Variants in CEP112 observed in about 807,000 individuals in gnomAD.
The protein encoded by CEP112 is centrosomal protein 112.
In CEP112, 127 loss-of-function variants were observed where a neutral mutation model predicts 153.0. The ratio of observed to expected loss-of-function variants is 0.83; its 90% CI spans 0.72 to 0.96. The LOEUF (loss-of-function observed/expected upper bound fraction) is 0.96, where lower values mean the gene tolerates loss of function less well. CEP112 is among the 40% of genes least tolerant of loss of function. The pLI, the probability that CEP112 is intolerant of heterozygous loss-of-function variation, is 0.00. For missense variants in CEP112, 1,089 were observed against 1,101.2 expected (o/e 0.99, Z 0.16); for synonymous variants, 358 against 374.4 (o/e 0.96, Z 0.51).
intron 17 of CEP112, among the ~76,000 whole-genome samples, chr17:65,976,091 G>A (rs909255784): frequency 1.1e-4 from 16 of 152,300 alleles, no homozygotes; most frequent in Admixed American, 2.6e-4. Flanking sequence ...CCATGGACTC[G>A]GACAAGCAAG....
intron 4 of CEP112, among the ~76,000 whole-genome samples, chr17:66,139,018 T>C (rs1302359145): frequency 6.6e-6 from 1 of 151,738 alleles, no homozygotes; most frequent in Non-Finnish European, 1.5e-5. Flanking sequence ...TAAAAGCTTA[T>C]ATTAAAAAAG....
At chr17:66,130,692 T>C (rs868479649) in intron 5 of CEP112, among the ~76,000 whole-genome samples, 113 of 148,268 alleles carry the variant, frequency 7.6e-4, no homozygotes, top group African/African-American at 2.2e-3. Context: ...AGGAGAATGG[T>C]GTGAACCCGG....
chr17:66,164,335 A>G (rs1025418121), intron 4 of CEP112, among the ~76,000 whole-genome samples: 3 of 152,018 alleles, frequency 2.0e-5, no homozygotes, highest in Non-Finnish European at 1.5e-5. Flanking sequence ...AGGCGGGAGG[A>G]CCATTTGAGG....
At chr17:65,970,138 T>C (rs557572360) in intron 17 of CEP112, among the ~76,000 whole-genome samples, 7 of 152,332 alleles carry the variant, frequency 4.6e-5, no homozygotes, top group African/African-American at 1.7e-4. Context: ...ATTGCATTTA[T>C]GTATTTTGCA....
intron 12 of CEP112, among the ~76,000 whole-genome samples, chr17:66,044,046 A>G (rs1034850013): frequency 6.6e-6 from 1 of 152,152 alleles, no homozygotes; most frequent in South Asian, 2.1e-4. Flanking sequence ...CTCTATATTT[A>G]CTAGTATTAC....
At chr17:65,902,125 GT>G in intron 20 of CEP112, 26 bp downstream of exon 20, 1 of 1,563,798 alleles carries the variant, frequency 6.4e-7, no homozygotes, top group Non-Finnish European at 8.8e-7. Context: ...ACAGATACCC[GT>G]TTTATCAAAT....
At chr17:65,966,778 T>C (rs2144843373) in intron 17 of CEP112, among the ~76,000 whole-genome samples, 1 of 152,372 alleles carries the variant, frequency 6.6e-6, no homozygotes, top group South Asian at 2.1e-4. Flanking sequence ...TCTGCTAAAT[T>C]CTAGTTTAAA....
intron 4 of CEP112, among the ~76,000 whole-genome samples, chr17:66,143,642 T>C (rs1236211371): frequency 6.6e-6 from 1 of 152,214 alleles, no homozygotes; most frequent in Non-Finnish European, 1.5e-5. Flanking sequence ...TTTAAAGGAA[T>C]TATAGCTTCA....
chr17:65,857,346 TC>T (rs774775612), intron 20 of CEP112, among the ~76,000 whole-genome samples: 14 of 152,354 alleles, frequency 9.2e-5, no homozygotes, highest in Non-Finnish European at 1.5e-4. Flanking sequence ...CAATGTGCAT[TC>T]CTTCATTTAA....
intron 21 of CEP112, among the ~76,000 whole-genome samples, chr17:65,790,120 G>A (rs1044857752): frequency 6.6e-6 from 1 of 152,202 alleles, no homozygotes; most frequent in African/African-American, 2.4e-5. Context: ...TACTGAAAGT[G>A]CTTAATTTGA....
chr17:66,143,031 G>C (rs978307735), intron 4 of CEP112, among the ~76,000 whole-genome samples: 1 of 152,118 alleles, frequency 6.6e-6, no homozygotes, highest in African/African-American at 2.4e-5. Flanking sequence ...ATGTTTTACA[G>C]TTTTCAGTGT....
At chr17:66,000,972 C>T (rs1242703873) in intron 17 of CEP112, among the ~76,000 whole-genome samples, 1 of 152,218 alleles carries the variant, frequency 6.6e-6, no homozygotes, top group East Asian at 1.9e-4. Context: ...TAGACAACTT[C>T]TCTACAATGG....
intron 4 of CEP112, among the ~76,000 whole-genome samples, chr17:66,174,004 C>T (rs2072357518): frequency 6.6e-6 from 1 of 152,278 alleles, no homozygotes; most frequent in East Asian, 1.9e-4. Flanking sequence ...TCTCGGCTCA[C>T]TGCAAGCTCC....
intron 17 of CEP112, among the ~76,000 whole-genome samples, chr17:65,964,849 C>T (rs1357665821): frequency 6.6e-6 from 1 of 152,070 alleles, no homozygotes; most frequent in African/African-American, 2.4e-5. Flanking sequence ...TTAAGATTAA[C>T]ATTTATCAAA....
chr17:65,772,797 T>A (rs559014428), intron 21 of CEP112, among the ~76,000 whole-genome samples: 1 of 151,864 alleles, frequency 6.6e-6, no homozygotes, highest in African/African-American at 2.4e-5. Flanking sequence ...ATAAGTGTCA[T>A]GAAAGAGATC....
intron 19 of CEP112, among the ~76,000 whole-genome samples, chr17:65,918,891 A>C (rs2060596482): frequency 6.6e-6 from 1 of 152,216 alleles, no homozygotes; most frequent in African/African-American, 2.4e-5. Flanking sequence ...ACTTCATTAC[A>C]GTTCCTGGCA....
chr17:65,729,874 C>T (rs2050398627), intron 23 of CEP112, among the ~76,000 whole-genome samples: 3 of 152,090 alleles, frequency 2.0e-5, no homozygotes, highest in African/African-American at 7.2e-5. Flanking sequence ...GATCGTGCCA[C>T]TGCACTCCAG....
intron 19 of CEP112, among the ~76,000 whole-genome samples, chr17:65,918,819 A>G (rs1184077874): frequency 6.6e-6 from 1 of 152,374 alleles, no homozygotes; most frequent in Admixed American, 6.5e-5. Context: ...TTCTTTCCAC[A>G]TCTGCACACT....
intron 2 of CEP112, among the ~76,000 whole-genome samples, chr17:66,180,551 G>T (rs1021590353): frequency 6.6e-6 from 1 of 152,080 alleles, no homozygotes; most frequent in Admixed American, 6.6e-5. Context: ...CCAGGGATTT[G>T]TAGCTGATTG....
Sources: gnomAD v4.1 joint callset for allele counts (sites outside exome capture counted in the v4.1 genomes callset) on GRCh38, gnomAD v4.1.1 for gene constraint, MANE v1.5 for transcripts, NCBI Gene and HGNC (gene_info 2026-07-23, HGNC 2026-07-21) for gene names.